Variants in PLCD1 observed in about 807,000 individuals in gnomAD.
PLCD1 encodes 1-phosphatidylinositol 4,5-bisphosphate phosphodiesterase delta-1.
In PLCD1, 71 loss-of-function variants were observed where a neutral mutation model predicts 87.4. The observed-to-expected ratio is 0.81, with a 90% CI of 0.67 to 0.99. The LOEUF is 0.99. Among genes scored for constraint, PLCD1 ranks in the 50% least tolerant of loss-of-function variants. The pLI is 0.00. For synonymous variants in PLCD1, 348 were observed against 399.2 expected (o/e 0.87, Z 1.53); for missense variants, 867 against 1,001.5 (o/e 0.87, Z 1.81).
chr3:38,008,739 G>T (rs1559370632), intron 11 of PLCD1, 103 bp from the exon 12 acceptor site: 5 of 1,023,184 alleles, frequency 4.9e-6, no homozygotes, highest in Non-Finnish European at 7.5e-6. Flanking sequence ...TGGTGAGTTA[G>T]CAGGGCCCAG....
In PLCD1 at chr3:38,009,294, G is replaced by A; in HGVS notation, c.1584C>T (p.Ala528=). Residue 528 remains alanine, a synonymous_variant, in exon 10 of 15, where the codon GCC becomes GCT. Transcript: ENST00000334661. ...YEMASFSENR[A]LRLLQESGNG... ...CACCTGATTCTTGGAGCAGTCGAAG[G>A]GCACGGTTCTCAGAGAAGGACGCCA... 1 of 1,614,180 alleles carries A rather than the reference G, an allele frequency of 6.2e-7. No individual in the cohort carries two copies. The highest frequency in any genetic ancestry group is 8.5e-7 in the Non-Finnish European group (1 of 1,180,034).
At chr3:38,009,863 T>A (rs1421692033) in intron 8 of PLCD1, 41 bp downstream of exon 8, 6 of 1,602,022 alleles carry the variant, frequency 3.7e-6, no homozygotes, top group Non-Finnish European at 5.1e-6. Flanking sequence ...CCGGCTAGGC[T>A]CCCCACCCTC....
chr3:38,009,193 C>T lies in PLCD1; in HGVS notation c.1607-35G>A, dbSNP rs73825461. ...GGTGTGGTTCGGTCAGCAGTGGAGG[C>T]CTCCTGGTGAGGCCCAAGCCCTGCC... is the stretch of plus-strand genomic sequence containing the variant. On this transcript the variant is annotated intron_variant, in intron 10 of 14. Transcript: ENST00000334661. The T allele has an allele frequency of 1.0e-3, 1,637 of 1,612,276 alleles. 15 individuals carry two copies. In the African/African-American group the frequency reaches 0.02, roughly 20 times the overall value.
chr3:38,016,992 AGAGT>A (rs1244966259), intron 2 of PLCD1, among the ~76,000 whole-genome samples: 2 of 152,034 alleles, frequency 1.3e-5, no homozygotes, highest in Non-Finnish European at 2.9e-5. Context: ...GGAGAGACAG[AGAGT>A]GAGAGAAAGA....
At chr3:38,026,990 G>C (rs2125552762) in intron 1 of PLCD1, among the ~76,000 whole-genome samples, 1 of 152,282 alleles carries the variant, frequency 6.6e-6, no homozygotes, top group South Asian at 2.1e-4. Context: ...GGAAAAGTTA[G>C]TGTGTATGTG....
At chr3:38,014,365 T>C in intron 3 of PLCD1, among the ~76,000 whole-genome samples, 1 of 152,108 alleles carries the variant, frequency 6.6e-6, no homozygotes, top group East Asian at 1.9e-4. Flanking sequence ...GTGGTAGTGG[T>C]GCAAGGACAG....
At chr3:38,027,977 T>A (rs1483821272) in intron 1 of PLCD1, among the ~76,000 whole-genome samples, 1 of 152,076 alleles carries the variant, frequency 6.6e-6, no homozygotes, top group Non-Finnish European at 1.5e-5. Context: ...TGGTCTCAAA[T>A]GGGGTGGGCC....
chr3:38,015,871 A>G (rs1229699578), intron 3 of PLCD1, among the ~76,000 whole-genome samples: 1 of 152,134 alleles, frequency 6.6e-6, no homozygotes, highest in Non-Finnish European at 1.5e-5. Context: ...AACATCCAAG[A>G]CTGGTCTCCC....
At chr3:38,024,302 C>T (rs766798289) in intron 1 of PLCD1, 5 of 1,583,970 alleles carry the variant, frequency 3.2e-6, no homozygotes, top group Admixed American at 1.7e-5. Context: ...CCTTCCCATT[C>T]CCCCGCAGAT....
chr3:38,016,672 C>G lies in PLCD1; in HGVS notation c.247G>C (p.Gly83Arg). The change falls in exon 3 of 15, where the codon GGT becomes CGT. Residue 83 changes from glycine (G) to arginine (R), a missense_variant. By Grantham distance (125) the Gly-to-Arg change is moderately radical. Coordinates refer to ENST00000334661, the MANE Select transcript of PLCD1 (RefSeq NM_006225.4). ...QEVRMGHRTEGLEKFARDVPE... is the reference protein window; with the variant it reads ...QEVRMGHRTERLEKFARDVPE... Reference sequence around the variant, plus strand: ...ACATCACGGGCGAACTTCTCCAGACCCTCCGTGCGGTGCCCCATTCGCACC... The same window carrying G: ...ACATCACGGGCGAACTTCTCCAGACGCTCCGTGCGGTGCCCCATTCGCACC... The G allele has an allele frequency of 6.3e-7, 1 of 1,584,116 alleles. No individual in the cohort carries two copies. Among genetic ancestry groups the G allele is most frequent in the Non-Finnish European group, 8.6e-7 (1 of 1,164,418 alleles).
intron 1 of PLCD1, among the ~76,000 whole-genome samples, chr3:38,028,907 G>A (rs536050822): frequency 1.6e-4 from 24 of 152,278 alleles, no homozygotes; most frequent in Non-Finnish European, 2.8e-4. Context: ...TGTCCCCCGA[G>A]GAGGGTCGCA....
chr3:38,013,243 A>G (rs370911035), intron 3 of PLCD1, among the ~76,000 whole-genome samples: 1 of 127,358 alleles, frequency 7.9e-6, no homozygotes, highest in Non-Finnish European at 1.6e-5. Flanking sequence ...GACGGAGTCT[A>G]GCTCTGTCAC....
chr3:38,013,891 T>G (rs1231256325), intron 3 of PLCD1, among the ~76,000 whole-genome samples: 3 of 152,206 alleles, frequency 2.0e-5, no homozygotes, highest in African/African-American at 7.2e-5. Context: ...AAAAGGAAAT[T>G]AACAGGGCTC....
At position 38,018,397 on chromosome 3, in the gene PLCD1, C is replaced by T. The variant is rs1049596356; in HGVS notation, c.200-1678G>A. Among the ~76,000 whole-genome samples, 3 of 152,070 alleles carry T rather than the reference C, an allele frequency of 2.0e-5. No homozygotes were observed. The highest frequency in any genetic ancestry group is 1.3e-4 in the Admixed American group (2 of 15,276). On this transcript the variant is annotated intron_variant, in intron 2 of 14. Transcript: ENST00000334661. This position sits in a 1 kb window ranked among gnomAD's most constrained non-coding sequence, Gnocchi z 5.7. ...CCTGCAGCCCCTCCTCCTGGCAGGA[C>T]GCAGCCCCTCAGCCTCCCACTCATG... is the stretch of plus-strand genomic sequence containing the variant.
intron 1 of PLCD1, 29 bp from the exon 2 acceptor site, chr3:38,020,381 C>T (rs775106113): frequency 8.1e-6 from 13 of 1,610,418 alleles, no homozygotes; most frequent in Middle Eastern, 1.6e-4. Flanking sequence ...AAGATGCCAC[C>T]TTCTCCACTA....
intron 1 of PLCD1, chr3:38,024,032 C>G: frequency 2.3e-6 from 1 of 428,346 alleles, no homozygotes; most frequent in Non-Finnish European, 4.2e-6. Context: ...TTACACAGAC[C>G]AGGCCACATA....
rs1266791247 is a variant in PLCD1, at chr3:38,008,688, G to A, written c.1724-52C>T. 3.9e-6 allele frequency: 6 copies of A among 1,522,166 alleles called. No homozygotes were observed. In the African/African-American group the frequency reaches 4.1e-5, roughly 10 times the overall value. The allele number at this position is 1,522,166 out of a possible 1,614,324, so 94.3% of individuals were successfully genotyped here. On this transcript the variant is annotated intron_variant, in intron 11 of 14. Coordinates refer to ENST00000334661, the MANE Select transcript of PLCD1 (RefSeq NM_006225.4). ...GCTGTGGGCTGGCCCTGGGGCCCTA[G>A]AGCACAGCCTGCTCAGGGTACACTA...
chr3:38,026,727 T>C (rs1476510733), intron 1 of PLCD1, among the ~76,000 whole-genome samples: 3 of 152,200 alleles, frequency 2.0e-5, no homozygotes, highest in Non-Finnish European at 2.9e-5. Flanking sequence ...TGCTAAGAGC[T>C]CTGGAATCAT....
chr3:38,014,007 T>C (rs1007022128), intron 3 of PLCD1, among the ~76,000 whole-genome samples: 1 of 152,150 alleles, frequency 6.6e-6, no homozygotes, highest in Non-Finnish European at 1.5e-5. Flanking sequence ...ATAAAATGCT[T>C]TTAAAGAAAT....
Sources: gnomAD v4.1 joint callset for allele counts (sites outside exome capture counted in the v4.1 genomes callset) on GRCh38, gnomAD v4.1.1 for gene constraint, Gnocchi (gnomAD v3.1) non-coding constraint, MANE v1.5 for transcripts, NCBI Gene and HGNC (gene_info 2026-07-23, HGNC 2026-07-21) for gene names.